DNAH12: variants seen among roughly 807,000 people sequenced by gnomAD.
The protein encoded by DNAH12 is axonemal beta dynein heavy chain 12.
In DNAH12, 285 loss-of-function variants were observed where a neutral mutation model predicts 371.5. The ratio of observed to expected loss-of-function variants is 0.77; its 90% CI spans 0.70 to 0.85. The LOEUF (loss-of-function observed/expected upper bound fraction) is 0.85. Ranked by LOEUF, DNAH12 falls within the 40% of genes least tolerant of loss-of-function variation. The pLI, the probability that DNAH12 is intolerant of heterozygous loss-of-function variation, is 0.00. For synonymous variants in DNAH12, 1,200 were observed against 1,213.0 expected, an observed-to-expected ratio of 0.99 and a Z score of 0.22; for missense variants, 3,611 against 3,689.4, an observed-to-expected ratio of 0.98 and a Z score of 0.55.
At chr3:57,490,531 T>C (rs2067079848) in intron 11 of DNAH12, among the ~76,000 whole-genome samples, 1 of 152,196 alleles carries the variant, frequency 6.6e-6, no homozygotes, top group Non-Finnish European at 1.5e-5. Context: ...GGACAAACTT[T>C]GACTTAATTT....
chr3:57,334,825 C>T lies in DNAH12; in HGVS notation c.9790G>A (p.Glu3264Lys). Residue 3264 changes from glutamate (E) to lysine (K), a missense_variant, in exon 61 of 74, where the codon GAA (glutamate) becomes AAA (lysine). Coordinates refer to ENST00000495027, the MANE Select transcript of DNAH12 (RefSeq NM_001366028.2). ...GGAAATTCACTTGCCCGACAGATTT[C>T]CTCCCAGCTTTTGTCCTGTAGCCAA... is the stretch of plus-strand genomic sequence containing the variant. Reference protein sequence around the residue: ...PTWLQDKSWEEICRASEFPAF... With the variant: ...PTWLQDKSWEKICRASEFPAF... The T allele has an allele frequency of 6.4e-7, 1 of 1,551,988 alleles. No homozygotes were observed. The highest frequency in any genetic ancestry group is 1.4e-5 in the African/African-American group (1 of 73,168).
chr3:57,428,963 G>A (rs1365695163), intron 33 of DNAH12, 142 bp from the exon 34 acceptor site: 2 of 782,524 alleles, frequency 2.6e-6, no homozygotes, highest in Non-Finnish European at 1.9e-6. Flanking sequence ...CAGTCTAGAC[G>A]TTCCCCATAC....
At chr3:57,335,350 A>T (rs904178247) in intron 60 of DNAH12, among the ~76,000 whole-genome samples, 3 of 152,326 alleles carry the variant, frequency 2.0e-5, no homozygotes, top group Admixed American at 6.5e-5. Context: ...TGAGCAGAGG[A>T]GGAAGATGAA....
At position 57,405,960 on chromosome 3, in the gene DNAH12, T is replaced by A. The variant is rs550646627; in HGVS notation, c.6277-8A>T. 5.2e-6 allele frequency: 8 copies of A among 1,529,492 alleles called. No individual in the cohort carries two copies. In the East Asian group the frequency reaches 2.0e-4, roughly 38 times the overall value. The allele number at this position is 1,529,492 out of a possible 1,614,324, so 94.7% of individuals were successfully genotyped here. ...CACAGATTGTTTATATATCTGAATA[T>A]GAAAAAAGCAACAAAGCAAAAATAA... On this transcript the variant is annotated splice_region_variant and splice_polypyrimidine_tract_variant and intron_variant, in intron 40 of 73. Transcript: ENST00000495027.
At position 57,355,031 on chromosome 3, in the gene DNAH12, G is replaced by A. The variant is rs910237478; in HGVS notation, c.9533+2145C>T. On this transcript the variant is annotated intron_variant, in intron 59 of 73. Transcript: ENST00000495027. ...AAAGGGGAACACAGAGATCCTTGTG[G>A]TGGTAGAAATATTCTGTATCTTGAC... Among the ~76,000 whole-genome samples, 181 of 152,256 alleles carry A rather than the reference G, an allele frequency of 1.2e-3. 1 individual carries two copies. The highest frequency in any genetic ancestry group is 4.3e-3 in the African/African-American group (177 of 41,550).
intron 29 of DNAH12, 134 bp from the exon 30 acceptor site, chr3:57,437,194 T>C (rs2065156450): frequency 3.0e-6 from 2 of 661,846 alleles, no homozygotes; most frequent in South Asian, 2.1e-5. Flanking sequence ...AAAACTTTAT[T>C]ATTTTTTCAA....
intron 2 of DNAH12, among the ~76,000 whole-genome samples, chr3:57,534,994 A>G (rs1399987618): frequency 6.6e-6 from 1 of 152,172 alleles, no homozygotes; most frequent in African/African-American, 2.4e-5. Flanking sequence ...CATAGGCTTA[A>G]GATCTTTATA....
chr3:57,488,023 G>A (rs10510793), intron 12 of DNAH12, among the ~76,000 whole-genome samples: 16,081 of 151,934 alleles, frequency 0.11, 1,000 homozygotes, highest in South Asian at 0.15. Context: ...CTTTTATACA[G>A]AATATGCCTG....
chr3:57,512,188 A>G (rs995150387), intron 4 of DNAH12, among the ~76,000 whole-genome samples: 1 of 152,170 alleles, frequency 6.6e-6, no homozygotes, highest in Non-Finnish European at 1.5e-5. Flanking sequence ...AATGCTTTAA[A>G]ATTTAGGGGA....
intron 60 of DNAH12, among the ~76,000 whole-genome samples, chr3:57,342,652 A>G: frequency 3.5e-5 from 1 of 28,672 alleles, no homozygotes; most frequent in Non-Finnish European, 7.8e-5. Context: ...ACTGAGACTC[A>G]AAAAAAAAAA....
chr3:57,404,101 T>C (rs1248734048), intron 42 of DNAH12, among the ~76,000 whole-genome samples: 5 of 152,304 alleles, frequency 3.3e-5, no homozygotes, highest in East Asian at 3.9e-4. Context: ...ATCCCACTTA[T>C]AGGAAAATAG....
chr3:57,412,983 C>T (rs1553683487), intron 39 of DNAH12, among the ~76,000 whole-genome samples: 1 of 152,148 alleles, frequency 6.6e-6, no homozygotes, highest in East Asian at 1.9e-4. Flanking sequence ...AAAACCTATG[C>T]ACAAATGTTT....
intron 13 of DNAH12, among the ~76,000 whole-genome samples, chr3:57,480,002 T>C (rs1189479793): frequency 6.6e-6 from 1 of 151,696 alleles, no homozygotes; most frequent in Non-Finnish European, 1.5e-5. Context: ...AACATCACAA[T>C]TAAAAGAACT....
At chr3:57,468,493 T>C (rs2066268711) in intron 17 of DNAH12, among the ~76,000 whole-genome samples, 2 of 151,882 alleles carry the variant, frequency 1.3e-5, no homozygotes, top group Admixed American at 1.3e-4. Flanking sequence ...TACACACCTG[T>C]AGCACCAGCT....
At position 57,500,045 on chromosome 3, in the gene DNAH12, C is replaced by CTTTTT. The variant is rs34159826; in HGVS notation, c.1335+1271_1335+1275dup. Among the ~76,000 whole-genome samples the CTTTTT allele has an allele frequency of 2.0e-5, 3 of 147,136 alleles. 1 individual carries two copies. The highest frequency in any genetic ancestry group is 4.5e-5 in the Non-Finnish European group (3 of 66,502). ...TTTTCCCCACTACTATCAGAATTAC[C>CTTTTT]TTTTTTTTTTTTTGAGATGGAGCCT... On this transcript the variant is annotated intron_variant, in intron 11 of 73. Transcript: ENST00000495027.
Position 57,357,815 on chromosome 3 carries a change from G to A in DNAH12, c.9361-467C>T, listed in dbSNP as rs1218754157. 8.5e-5 allele frequency among the ~76,000 whole-genome samples: 13 copies of A among 152,258 alleles called. No homozygotes were observed. In the East Asian group the frequency reaches 1.9e-3, roughly 23 times the overall value. ...GTGCGTATATTTAAGGTGTTAACTC[G>A]TGTACTGGAACCCAGCACAGTCTGG... On this transcript the variant is annotated intron_variant, in intron 58 of 73. Coordinates refer to ENST00000495027, the MANE Select transcript of DNAH12 (RefSeq NM_001366028.2).
chr3:57,445,139 C>A (rs967838819), intron 28 of DNAH12, 35 bp downstream of exon 28: 1 of 1,487,524 alleles, frequency 6.7e-7, no homozygotes, highest in South Asian at 1.4e-5. Context: ...TATCTTTCTA[C>A]TGAAACTTTC....
intron 48 of DNAH12, 72 bp from the exon 49 acceptor site, chr3:57,385,077 T>C (rs2063474792): frequency 6.6e-6 from 1 of 152,218 alleles, no homozygotes; most frequent in Non-Finnish European, 1.5e-5. Flanking sequence ...AAAAGAATAT[T>C]TGAAAATTAG....
chr3:57,467,188 G>A (rs1272302838), intron 17 of DNAH12, among the ~76,000 whole-genome samples: 7 of 151,088 alleles, frequency 4.6e-5, no homozygotes, highest in East Asian at 2.0e-4. Flanking sequence ...GCATGATCTC[G>A]GCTCACTGCA....
Sources: gnomAD v4.1 joint callset for allele counts (sites outside exome capture counted in the v4.1 genomes callset) on GRCh38, gnomAD v4.1.1 for gene constraint, MANE v1.5 for transcripts, NCBI Gene and HGNC (gene_info 2026-07-23, HGNC 2026-07-21) for gene names.